The following CST3 variants were observed in gnomAD, a reference collection of about 807,000 sequenced individuals.
The protein encoded by CST3 is cystatin-C.
CST3 carries 14 observed loss-of-function variants against 9.0 expected under a neutral mutation model. That is an observed-to-expected ratio of 1.56 (90% CI 1.03 to 2.44). The LOEUF (loss-of-function observed/expected upper bound fraction) is 2.44, where lower values mean the gene tolerates loss of function less well. CST3 is among the 30% of genes most tolerant of loss of function. The pLI is 0.00. For missense variants in CST3, 237 were observed against 204.3 expected, an observed-to-expected ratio of 1.16 and a Z score of -0.98; for synonymous variants, 96 against 90.2, an observed-to-expected ratio of 1.06 and a Z score of -0.37.
rs138386534 is a variant in CST3 at position 23,636,088 on chromosome 20, T to A, written c.244-721A>T. Reference sequence around the variant, plus strand: ...TGTGATCCCTCTGGTGTCAGTCTGCTCCTCTGTAAAATAGGCTCCAGGGCC... The same window carrying A: ...TGTGATCCCTCTGGTGTCAGTCTGCACCTCTGTAAAATAGGCTCCAGGGCC... On this transcript the variant is annotated intron_variant, in intron 1 of 2. Coordinates refer to ENST00000376925, the MANE Select transcript of CST3 (RefSeq NM_000099.4). 1.5e-3 allele frequency among the ~76,000 whole-genome samples: 225 copies of A among 152,122 alleles called. 3 individuals are homozygous for A. Among genetic ancestry groups the A allele is most frequent in the African/African-American group, 5.3e-3 (220 of 41,482 alleles).
intron 2 of CST3, among the ~76,000 whole-genome samples, chr20:23,634,315 G>A (rs1979572667): frequency 6.6e-6 from 1 of 152,142 alleles, no homozygotes; most frequent in Non-Finnish European, 1.5e-5. Context: ...CAGGGCAGGG[G>A]GAGGCAGCTC....
At chr20:23,631,055 T>C (rs998119572), downstream of CST3, among the ~76,000 whole-genome samples, 11 of 152,164 alleles carry the variant, frequency 7.2e-5, no homozygotes, top group African/African-American at 2.7e-4. Flanking sequence ...TTCTACTTAT[T>C]GAACCTGAAA....
At chr20:23,636,106 C>T (rs528311518) in intron 1 of CST3, among the ~76,000 whole-genome samples, 6 of 152,236 alleles carry the variant, frequency 3.9e-5, no homozygotes, top group African/African-American at 1.4e-4. Flanking sequence ...AAAATAGGCT[C>T]CAGGGCCCAA....
At position 23,633,898 on chromosome 20, in the gene CST3, C is replaced by T. The variant is rs1228129125; in HGVS notation, c.*18G>A. The T allele has an allele frequency of 1.9e-6, 3 of 1,610,600 alleles. No homozygotes were observed. The African/African-American group carries it at 4.0e-5, about 22-fold the overall frequency. On this transcript the variant is annotated 3_prime_UTR_variant, in exon 3 of 3. Coordinates refer to ENST00000376925, the MANE Select transcript of CST3 (RefSeq NM_000099.4). Reference sequence around the variant, plus strand: ...GTGCATAAGAGGTGATAGGCACAGGCCAGCCCGGTACAGACCCCTAGGCGT... The same window carrying T: ...GTGCATAAGAGGTGATAGGCACAGGTCAGCCCGGTACAGACCCCTAGGCGT...
chr20:23,633,180 T>G (rs1979513226), downstream of CST3, among the ~76,000 whole-genome samples: 1 of 152,142 alleles, frequency 6.6e-6, no homozygotes, highest in Non-Finnish European at 1.5e-5. Flanking sequence ...CTAAGTCTCT[T>G]GGAAAGAAGC....
chr20:23,631,131 G>C (rs1600360542), downstream of CST3, among the ~76,000 whole-genome samples: 1 of 152,006 alleles, frequency 6.6e-6, no homozygotes, highest in East Asian at 1.9e-4. Context: ...AAAGAATAAA[G>C]ATATAAAAAT....
chr20:23,635,614 G>A (rs929118452), intron 1 of CST3, among the ~76,000 whole-genome samples: 1 of 152,182 alleles, frequency 6.6e-6, no homozygotes, highest in Non-Finnish European at 1.5e-5. Flanking sequence ...ACTGAATTCC[G>A]CTACCTATGA....
intron 1 of CST3, among the ~76,000 whole-genome samples, chr20:23,637,107 T>C (rs1979706630): frequency 6.6e-6 from 1 of 152,228 alleles, no homozygotes; most frequent in Non-Finnish European, 1.5e-5. Flanking sequence ...CTGAGGGATC[T>C]GGGTGAAAGA....
chr20:23,629,674 G>T (rs1979377265), downstream of CST3, among the ~76,000 whole-genome samples: 1 of 151,802 alleles, frequency 6.6e-6, no homozygotes, highest in Non-Finnish European at 1.5e-5. Context: ...GAGGATGCGT[G>T]GACAGATGGG....
chr20:23,634,155 C>A (rs528502685), intron 2 of CST3, among the ~76,000 whole-genome samples, 156 bp from the exon 3 acceptor site: 1 of 152,110 alleles, frequency 6.6e-6, no homozygotes, highest in Non-Finnish European at 1.5e-5. Flanking sequence ...CCCAGAGCAC[C>A]GCTGGACTGG....
exon 4 of CST3, chr20:23,628,091 T>A (rs371544146): frequency 1.3e-5 from 2 of 152,106 alleles, no homozygotes; most frequent in Non-Finnish European, 2.9e-5. Flanking sequence ...TGGGAGGGGA[T>A]GAATTTAATT....
chr20:23,632,890 A>T (rs1304883314), downstream of CST3, among the ~76,000 whole-genome samples: 1 of 152,196 alleles, frequency 6.6e-6, no homozygotes, highest in Non-Finnish European at 1.5e-5. Flanking sequence ...GTTCTCTCTT[A>T]ATCCTCCTTG....
chr20:23,630,772 T>TAAA (rs34339274), downstream of CST3, among the ~76,000 whole-genome samples: 2 of 136,624 alleles, frequency 1.5e-5, no homozygotes, highest in African/African-American at 5.4e-5. Flanking sequence ...AAGGCAGAGT[T>TAAA]AAAAAAAAAA....
chr20:23,637,637 CCA>C lies in CST3; in HGVS notation c.224_225del (p.Val75GlyfsTer38). The C allele has an allele frequency of 6.6e-7, 1 of 1,525,046 alleles. No individual in the cohort carries two copies. The highest frequency in any genetic ancestry group is 8.8e-7 in the Non-Finnish European group (1 of 1,137,128). The allele number at this position is 1,525,046 out of a possible 1,614,324, so 94.5% of individuals were successfully genotyped here. A position where few individuals can be genotyped will look rare whatever the true frequency, so the allele number is the denominator to read the frequency against. ...NDMYHSRALQ[V>X]VRARKQIVAG... ...GCACGCACCTGCTTGCGGGCGCGCA[CCA>C]CCTGCAGCGCGCGGCTGTGGTACAT... is the stretch of plus-strand genomic sequence containing the variant. On this transcript the variant is annotated frameshift_variant, in exon 1 of 3. Transcript: ENST00000376925. LOFTEE classifies it high-confidence loss of function.
At chr20:23,632,224 A>C (rs947527673), downstream of CST3, 1 of 152,254 alleles carries the variant, frequency 6.6e-6, no homozygotes, top group African/African-American at 2.4e-5. Flanking sequence ...CCCAAGGAAG[A>C]AGTGTGTCAG....
downstream of CST3, among the ~76,000 whole-genome samples, chr20:23,632,565 C>T (rs1009660223): frequency 5.9e-5 from 9 of 152,216 alleles, no homozygotes; most frequent in African/African-American, 2.2e-4. Context: ...CCCACTCTCC[C>T]TGCCGTGTCC....
At chr20:23,633,545 G>T (rs1053068710), downstream of CST3, 1 of 408,260 alleles carries the variant, frequency 2.4e-6, no homozygotes, top group African/African-American at 2.0e-5. Context: ...GGCCGCGTCA[G>T]CTCCCAGGTA....
intron 2 of CST3, among the ~76,000 whole-genome samples, chr20:23,634,894 C>T (rs1380608982): frequency 6.6e-6 from 1 of 152,086 alleles, no homozygotes; most frequent in Non-Finnish European, 1.5e-5. Context: ...CATGCACACA[C>T]ACACACAGGG....
At chr20:23,630,914 A>G (rs1465568304), downstream of CST3, among the ~76,000 whole-genome samples, 2 of 152,230 alleles carry the variant, frequency 1.3e-5, no homozygotes, top group Non-Finnish European at 2.9e-5. Context: ...GAAAATATGA[A>G]AGATGCATAA....
Sources: allele counts gnomAD v4.1 joint callset (sites outside exome capture counted in the v4.1 genomes callset), GRCh38; gene constraint gnomAD v4.1.1; transcripts MANE v1.5; gene names NCBI Gene and HGNC (gene_info 2026-07-23, HGNC 2026-07-21).